Variants in DCHS2 observed in about 807,000 individuals in gnomAD.
DCHS2 encodes the protein dachsous cadherin-related 2, also known as protocadherin-23.
Under a neutral mutation model 182.4 loss-of-function variants are expected in DCHS2, and 142 were observed. The ratio of observed to expected loss-of-function variants is 0.78; its 90% CI spans 0.68 to 0.89. DCHS2 has a LOEUF of 0.89. Among genes scored for constraint, DCHS2 ranks in the 40% least tolerant of loss-of-function variants. The pLI is 0.00. For missense variants in DCHS2, 4,319 were observed against 4,198.6 expected (o/e 1.03, Z -0.79); for synonymous variants, 1,740 against 1,663.3 (o/e 1.05, Z -1.12).
Position 154,237,017 on chromosome 4 carries a change from A to G in DCHS2, c.7635T>C (p.Tyr2545=). ...VEIGIEDMNN[Y]APEFTVKSYN... is the part of the protein sequence containing the mutation. ...AGGATTTGACTGTGAATTCAGGGGC[A>G]TAATTGTTCATATCTTCTATTCCTA... Residue 2545 remains tyrosine (Y), a synonymous_variant, in exon 20 of 20, where the codon TAT becomes TAC. Coordinates refer to ENST00000357232, the MANE Select transcript of DCHS2 (RefSeq NM_001358235.2). 6.2e-7 allele frequency: 1 copy of G among 1,614,020 alleles called. No homozygotes were observed. The highest frequency in any genetic ancestry group is 8.5e-7 in the Non-Finnish European group (1 of 1,179,914).
Position 154,331,588 on chromosome 4 carries a change from C to T in DCHS2, c.3730+890G>A, listed in dbSNP as rs753167119. On this transcript the variant is annotated intron_variant, in intron 5 of 19. Coordinates refer to ENST00000357232, the MANE Select transcript of DCHS2 (RefSeq NM_001358235.2). ...CATCTGCTGTGAAAGGTCACCTTCT[C>T]CTAATTCACAGAACAGAGACTTGAG... 1.9e-6 allele frequency: 3 copies of T among 1,610,038 alleles called. No individual in the cohort carries two copies. The highest frequency in any genetic ancestry group is 2.2e-5 in the South Asian group (2 of 89,874).
chr4:154,318,666 T>C (rs534077682), intron 9 of DCHS2, among the ~76,000 whole-genome samples: 1 of 152,010 alleles, frequency 6.6e-6, no homozygotes, highest in Non-Finnish European at 1.5e-5. Context: ...GTACCCTACA[T>C]ATTGAAAGCC....
intron 1 of DCHS2, among the ~76,000 whole-genome samples, chr4:154,435,204 T>A (rs1733725599): frequency 6.6e-6 from 1 of 152,174 alleles, no homozygotes; most frequent in South Asian, 2.1e-4. Context: ...TCTAAAAAAA[T>A]TATAAAACTT....
At chr4:154,249,772 C>G (rs1229350149) in intron 16 of DCHS2, among the ~76,000 whole-genome samples, 4 of 151,976 alleles carry the variant, frequency 2.6e-5, no homozygotes, top group Non-Finnish European at 5.9e-5. Context: ...GGCTATAATC[C>G]TAAACAAATT....
chr4:154,350,181 G>A (rs922060787), intron 3 of DCHS2, among the ~76,000 whole-genome samples: 1 of 152,312 alleles, frequency 6.6e-6, no homozygotes, highest in South Asian at 2.1e-4. Flanking sequence ...TGTAGCATGA[G>A]CACATGGTGA....
Position 154,383,138 on chromosome 4 carries a change from A to G in DCHS2, c.2053-5694T>C, listed in dbSNP as rs137939373. Among the ~76,000 whole-genome samples the G allele has an allele frequency of 1.0e-3, 157 of 152,352 alleles. 4 individuals carry two copies. The East Asian group carries it at 0.023, about 22-fold the overall frequency. ...AAAGAAAATGTGGAACATATGCACT[A>G]TGGAATGCTACACAGCCATAAACAA... On this transcript the variant is annotated intron_variant, in intron 1 of 19. Transcript: ENST00000357232.
intron 1 of DCHS2, among the ~76,000 whole-genome samples, chr4:154,453,643 C>CT (rs1296412199): frequency 1.3e-5 from 2 of 152,110 alleles, no homozygotes; most frequent in African/African-American, 4.8e-5. Flanking sequence ...TCTATTCAGT[C>CT]TGAGTCTCTT....
At chr4:154,449,675 T>A (rs1024906235) in intron 1 of DCHS2, among the ~76,000 whole-genome samples, 4 of 152,114 alleles carry the variant, frequency 2.6e-5, no homozygotes, top group African/African-American at 9.7e-5. Flanking sequence ...GCCCAGCCAA[T>A]CTTTATTTTC....
At position 154,402,147 on chromosome 4, in the gene DCHS2, A is replaced by G. The variant is rs575864715; in HGVS notation, c.2053-24703T>C. On this transcript the variant is annotated intron_variant, in intron 1 of 19. Coordinates refer to ENST00000357232, the MANE Select transcript of DCHS2 (RefSeq NM_001358235.2). ...CATTCCAGAATGATTTATTGAAAAGACTTTCTTTTTACCACTAAATTGCCC... is the reference window on the plus strand; with the variant it reads ...CATTCCAGAATGATTTATTGAAAAGGCTTTCTTTTTACCACTAAATTGCCC... 3.5e-4 allele frequency among the ~76,000 whole-genome samples: 53 copies of G among 152,286 alleles called. 1 individual carries two copies. Among genetic ancestry groups the G allele is most frequent in the Non-Finnish European group, 8.8e-5 (6 of 68,024 alleles).
At chr4:154,373,668 T>TC (rs35699649) in intron 2 of DCHS2, among the ~76,000 whole-genome samples, 127,162 of 152,024 alleles carry the variant, frequency 0.84, 53,304 homozygotes, top group South Asian at 0.92. Flanking sequence ...TAAACCTACT[T>TC]CAGGAGGGGT....
intron 13 of DCHS2, among the ~76,000 whole-genome samples, chr4:154,270,503 T>C (rs1733538051): frequency 6.6e-6 from 1 of 151,122 alleles, no homozygotes; most frequent in African/African-American, 2.4e-5. Flanking sequence ...GCACAATGAG[T>C]AGGGGAAGAA....
At chr4:154,378,747 C>A (rs989167076) in intron 1 of DCHS2, among the ~76,000 whole-genome samples, 1 of 152,140 alleles carries the variant, frequency 6.6e-6, no homozygotes. Context: ...CTTATCCATA[C>A]AATTGGCAGC....
At position 154,414,599 on chromosome 4, in the gene DCHS2, A is replaced by C. The variant is rs533552254; in HGVS notation, c.2053-37155T>G. 6.2e-4 allele frequency among the ~76,000 whole-genome samples: 94 copies of C among 151,826 alleles called. 1 individual carries two copies. The highest frequency in any genetic ancestry group is 2.1e-3 in the African/African-American group (88 of 41,396). Reference sequence around the variant, plus strand: ...CATTGTACACTTGTTTCTCTACTCAAAACACAAATTTATCACTAACTGTCA... The same window carrying C: ...CATTGTACACTTGTTTCTCTACTCACAACACAAATTTATCACTAACTGTCA... On this transcript the variant is annotated intron_variant, in intron 1 of 19. Coordinates refer to ENST00000357232, the MANE Select transcript of DCHS2 (RefSeq NM_001358235.2).
intron 14 of DCHS2, among the ~76,000 whole-genome samples, chr4:154,260,964 A>G (rs1560992579): frequency 6.6e-6 from 1 of 152,120 alleles, no homozygotes; most frequent in Non-Finnish European, 1.5e-5. Context: ...TACTCCTTTA[A>G]CATAATTTCC....
intron 3 of DCHS2, 86 bp from the exon 4 acceptor site, chr4:154,335,190 A>G: frequency 1.1e-6 from 1 of 887,804 alleles, no homozygotes. Flanking sequence ...TATTAAGTGT[A>G]TTGTGATGTT....
At chr4:154,362,032 G>A (rs770090812) in intron 3 of DCHS2, among the ~76,000 whole-genome samples, 30 of 152,228 alleles carry the variant, frequency 2.0e-4, no homozygotes, top group Non-Finnish European at 3.2e-4. Flanking sequence ...TGTATAAATG[G>A]GCTCATCAAT....
intron 1 of DCHS2, among the ~76,000 whole-genome samples, chr4:154,377,975 A>G (rs1417514018): frequency 6.6e-6 from 1 of 152,134 alleles, no homozygotes; most frequent in Non-Finnish European, 1.5e-5. Flanking sequence ...CTGGAATGTG[A>G]GAGTTGAGTC....
chr4:154,290,490 G>A (rs1342255983), intron 13 of DCHS2, among the ~76,000 whole-genome samples: 3 of 151,894 alleles, frequency 2.0e-5, no homozygotes, highest in African/African-American at 4.8e-5. Flanking sequence ...AAGCTATCCT[G>A]AGCAGAAAGA....
intron 3 of DCHS2, chr4:154,343,650 T>G: frequency 6.8e-7 from 1 of 1,465,826 alleles, no homozygotes; most frequent in East Asian, 2.5e-5. Flanking sequence ...AACCTTCCTA[T>G]ATTTAAAAAG....
Sources: allele counts gnomAD v4.1 joint callset (sites outside exome capture counted in the v4.1 genomes callset), GRCh38; gene constraint gnomAD v4.1.1; transcripts MANE v1.5; gene names NCBI Gene and HGNC (gene_info 2026-07-23, HGNC 2026-07-21).